FHIT: variants seen among roughly 807,000 people sequenced by gnomAD.
FHIT encodes fragile histidine triad diadenosine triphosphatase, also known as bis(5'-adenosyl)-triphosphatase.
FHIT carries 19 observed loss-of-function variants against 17.9 expected under a neutral mutation model. The ratio of observed to expected loss-of-function variants is 1.06; its 90% confidence interval spans 0.74 to 1.56. The LOEUF (loss-of-function observed/expected upper bound fraction) is 1.56. FHIT is among the 40% of genes most tolerant of loss of function. The probability of loss-of-function intolerance (pLI) is 0.00; values close to 1 mark genes in which losing one functional copy is unlikely to be tolerated. For missense variants in FHIT, 248 were observed against 189.2 expected (o/e 1.31, Z -1.82); for synonymous variants, 81 against 69.7 (o/e 1.16, Z -0.81).
At chr3:60,174,483 C>T (rs181001022) in intron 5 of FHIT, among the ~76,000 whole-genome samples, 3 of 152,158 alleles carry the variant, frequency 2.0e-5, no homozygotes, top group Admixed American at 6.5e-5. Context: ...CTAATTAACA[C>T]TGTTGGCCTT....
intron 8 of FHIT, among the ~76,000 whole-genome samples, chr3:59,873,069 A>C (rs1392659291): frequency 6.6e-6 from 1 of 152,184 alleles, no homozygotes; most frequent in East Asian, 1.9e-4. Flanking sequence ...TTTTTGACAC[A>C]ATTCCTTCCT....
chr3:59,862,284 T>C (rs1702440332), intron 8 of FHIT, among the ~76,000 whole-genome samples: 1 of 152,140 alleles, frequency 6.6e-6, no homozygotes, highest in South Asian at 2.1e-4. Context: ...AACCATCAGA[T>C]CTTGTGAGAC....
At chr3:60,842,592 T>C (rs1174566103) in intron 3 of FHIT, among the ~76,000 whole-genome samples, 1 of 140,936 alleles carries the variant, frequency 7.1e-6, no homozygotes, top group Non-Finnish European at 1.5e-5. Context: ...CTAGAGAAAT[T>C]AAATGAGTGT....
intron 4 of FHIT, among the ~76,000 whole-genome samples, chr3:60,577,264 G>T (rs1056083126): frequency 4.6e-5 from 7 of 152,098 alleles, no homozygotes; most frequent in African/African-American, 1.7e-4. Flanking sequence ...CTGCCTTTCA[G>T]CAGCAATTTG....
At chr3:59,870,578 G>T in intron 8 of FHIT, among the ~76,000 whole-genome samples, 1 of 152,206 alleles carries the variant, frequency 6.6e-6, no homozygotes, top group East Asian at 1.9e-4. Context: ...TAATAGAAGA[G>T]AGAATTTGTG....
intron 5 of FHIT, among the ~76,000 whole-genome samples, chr3:60,049,792 A>G (rs915442161): frequency 3.3e-5 from 5 of 152,174 alleles, no homozygotes; most frequent in Non-Finnish European, 7.3e-5. Flanking sequence ...GACAGGGGTG[A>G]TCTAGGTTTT....
At chr3:60,548,602 A>G (rs2036447187) in intron 4 of FHIT, among the ~76,000 whole-genome samples, 1 of 152,086 alleles carries the variant, frequency 6.6e-6, no homozygotes, top group Non-Finnish European at 1.5e-5. Context: ...AAGAGCGCAT[A>G]TTTCCCTTGC....
intron 4 of FHIT, among the ~76,000 whole-genome samples, chr3:60,612,359 T>C (rs2038811630): frequency 6.6e-6 from 1 of 152,222 alleles, no homozygotes; most frequent in Admixed American, 6.5e-5. Context: ...ATATCTATTA[T>C]AGAAGCTAAA....
intron 4 of FHIT, among the ~76,000 whole-genome samples, chr3:60,725,387 C>T (rs1553709181): frequency 6.6e-6 from 1 of 152,054 alleles, no homozygotes; most frequent in African/African-American, 2.4e-5. Flanking sequence ...AAGATTTATC[C>T]CTATGGTTTT....
intron 2 of FHIT, among the ~76,000 whole-genome samples, chr3:61,120,179 G>C (rs2036416229): frequency 6.6e-6 from 1 of 152,132 alleles, no homozygotes; most frequent in African/African-American, 2.4e-5. Context: ...TCACCATCTA[G>C]ATATAGGGTT....
intron 4 of FHIT, among the ~76,000 whole-genome samples, chr3:60,567,866 A>G (rs2037198117): frequency 6.6e-6 from 1 of 152,246 alleles, no homozygotes; most frequent in Non-Finnish European, 1.5e-5. Context: ...AACGCTCATC[A>G]TCACTGGCCA....
intron 5 of FHIT, among the ~76,000 whole-genome samples, chr3:60,262,639 T>A (rs1382982301): frequency 6.6e-6 from 1 of 151,978 alleles, no homozygotes; most frequent in African/African-American, 2.4e-5. Context: ...TCCCACTCTG[T>A]GGCTCAGGAT....
At chr3:60,807,393 G>A (rs1701431630) in intron 4 of FHIT, among the ~76,000 whole-genome samples, 1 of 151,088 alleles carries the variant, frequency 6.6e-6, no homozygotes, top group Non-Finnish European at 1.5e-5. Flanking sequence ...GGCAACATAG[G>A]GACACCCTGT....
At chr3:61,149,941 T>C (rs2037337105) in intron 2 of FHIT, among the ~76,000 whole-genome samples, 1 of 152,310 alleles carries the variant, frequency 6.6e-6, no homozygotes, top group South Asian at 2.1e-4. Flanking sequence ...AGGGCTATCC[T>C]GAGCAAACTC....
chr3:59,858,176 T>TC (rs1702251093), intron 8 of FHIT, among the ~76,000 whole-genome samples: 1 of 151,908 alleles, frequency 6.6e-6, no homozygotes, highest in Non-Finnish European at 1.5e-5. Flanking sequence ...TATGGGAGTT[T>TC]CCCACATCAT....
intron 2 of FHIT, among the ~76,000 whole-genome samples, chr3:61,152,664 C>T (rs2037427712): frequency 1.3e-5 from 2 of 152,068 alleles, no homozygotes; most frequent in African/African-American, 4.8e-5. Context: ...CTACAAACCA[C>T]TGTAATTATT....
intron 2 of FHIT, among the ~76,000 whole-genome samples, chr3:61,135,485 G>C (rs1307538622): frequency 6.6e-6 from 1 of 152,124 alleles, no homozygotes; most frequent in East Asian, 1.9e-4. Context: ...AAGGAACTGA[G>C]GCTTAGAGAG....
At position 60,034,865 on chromosome 3, in the gene FHIT, T is replaced by C. The variant is rs1701148616; in HGVS notation, c.104-20713A>G. On this transcript the variant is annotated intron_variant, in intron 5 of 9. Coordinates refer to ENST00000492590, the MANE Select transcript of FHIT (RefSeq NM_002012.4). Reference sequence around the variant, plus strand: ...GAACTTCAGAAATAAGATTTCACTTTACCAGCCATTCACAGCATTGAGTTT... The same window carrying C: ...GAACTTCAGAAATAAGATTTCACTTCACCAGCCATTCACAGCATTGAGTTT... 2.0e-5 allele frequency among the ~76,000 whole-genome samples: 3 copies of C among 152,222 alleles called. No individual in the cohort carries two copies. The South Asian group carries it at 6.2e-4, about 32-fold the overall frequency.
chr3:60,814,522 G>A (rs911184823), intron 4 of FHIT, among the ~76,000 whole-genome samples: 4 of 152,154 alleles, frequency 2.6e-5, no homozygotes, highest in African/African-American at 7.2e-5. Context: ...CCACGTGGCT[G>A]CAAAGGACAT....
Sources: gnomAD v4.1 joint callset for allele counts (sites outside exome capture counted in the v4.1 genomes callset) on GRCh38, gnomAD v4.1.1 for gene constraint, MANE v1.5 for transcripts, NCBI Gene and HGNC (gene_info 2026-07-23, HGNC 2026-07-21) for gene names.